KIF26B: variants seen among roughly 807,000 people sequenced by gnomAD.
The protein encoded by KIF26B is kinesin-like protein KIF26B.
In KIF26B, 63 loss-of-function variants were observed where a neutral mutation model predicts 151.2. The ratio of observed to expected loss-of-function variants is 0.42; its 90% CI spans 0.34 to 0.51. The LOEUF (loss-of-function observed/expected upper bound fraction) is 0.51, where lower values mean the gene tolerates loss of function less well. Ranked by LOEUF, KIF26B falls within the 20% of genes least tolerant of loss-of-function variation. The probability of loss-of-function intolerance (pLI) is 0.07; values close to 1 mark genes in which losing one functional copy is unlikely to be tolerated. For missense variants in KIF26B, 2,813 were observed against 2,913.6 expected (o/e 0.97, Z 0.79); for synonymous variants, 1,357 against 1,262.1 (o/e 1.08, Z -1.59).
chr1:245,290,023 C>T (rs1025021380), intron 2 of KIF26B, among the ~76,000 whole-genome samples: 4 of 152,158 alleles, frequency 2.6e-5, no homozygotes, highest in East Asian at 1.9e-4. Context: ...TCCTTATTCC[C>T]GTCTTAGCAC....
chr1:245,665,813 T>C (rs2044206553), intron 10 of KIF26B, among the ~76,000 whole-genome samples: 1 of 152,046 alleles, frequency 6.6e-6, no homozygotes, highest in Non-Finnish European at 1.5e-5. Flanking sequence ...GCCTCCCAAG[T>C]AGCTGGGACT....
At chr1:245,603,479 G>A (rs190486649) in intron 6 of KIF26B, among the ~76,000 whole-genome samples, 7 of 152,346 alleles carry the variant, frequency 4.6e-5, no homozygotes, top group Admixed American at 2.0e-4. Flanking sequence ...GTGATCAGCT[G>A]TGGGTTGGGC....
intron 3 of KIF26B, among the ~76,000 whole-genome samples, chr1:245,370,116 C>T (rs567454258): frequency 1.3e-4 from 20 of 152,120 alleles, no homozygotes; most frequent in African/African-American, 3.9e-4. Context: ...CGATGTCACC[C>T]GGATATAAAC....
At position 245,258,233 on chromosome 1, in the gene KIF26B, G is replaced by A. The variant is rs933185333; in HGVS notation, c.465+101550G>A. Among the ~76,000 whole-genome samples the A allele has an allele frequency of 1.2e-4, 18 of 152,138 alleles. 1 individual carries two copies. The highest frequency in any genetic ancestry group is 3.4e-4 in the African/African-American group (14 of 41,434). ...AGTTCGCTGTACATGAAGCCCCAGC[G>A]TCCAGAGGTGTAAGACAGAGCCCCT... On this transcript the variant is annotated intron_variant, in intron 2 of 14. Transcript: ENST00000407071.
rs573632650 is a variant in KIF26B at position 245,591,862 on chromosome 1, C to T, written c.1351-10715C>T. Among the ~76,000 whole-genome samples the T allele has an allele frequency of 6.0e-4, 91 of 152,322 alleles. 1 individual carries two copies. The highest frequency in any genetic ancestry group is 2.0e-3 in the African/African-American group (85 of 41,586). ...TTGCAGCCTGGCCAGCCCTGTCCCA[C>T]GCCTGCTAATTGGTGGGGGGACCTG... On this transcript the variant is annotated intron_variant, in intron 5 of 14. Transcript: ENST00000407071.
intron 6 of KIF26B, among the ~76,000 whole-genome samples, chr1:245,605,170 G>A (rs2043437212): frequency 6.6e-6 from 1 of 151,472 alleles, no homozygotes; most frequent in Non-Finnish European, 1.5e-5. Context: ...TCCTCATCAG[G>A]CCGTGTGATT....
chr1:245,369,412 T>C (rs1427143150), intron 3 of KIF26B, among the ~76,000 whole-genome samples: 1 of 152,192 alleles, frequency 6.6e-6, no homozygotes. Flanking sequence ...CGTTTGAGAG[T>C]GTTCATGTCT....
intron 2 of KIF26B, among the ~76,000 whole-genome samples, chr1:245,311,465 T>C (rs1573768119): frequency 6.6e-6 from 1 of 152,132 alleles, no homozygotes; most frequent in East Asian, 1.9e-4. Context: ...CAGCCGGGTA[T>C]GGTGGTTTGC....
intron 4 of KIF26B, among the ~76,000 whole-genome samples, chr1:245,420,535 C>T (rs1658459191): frequency 6.6e-6 from 1 of 152,190 alleles, no homozygotes; most frequent in African/African-American, 2.4e-5. Context: ...ATTTAATGCT[C>T]AGAACTGAAC....
intron 9 of KIF26B, among the ~76,000 whole-genome samples, chr1:245,642,882 A>AAG (rs2043908478): frequency 6.6e-6 from 1 of 152,202 alleles, no homozygotes; most frequent in Admixed American, 6.5e-5. Flanking sequence ...TGGAGAGCCC[A>AAG]GTCTTGTATC....
At chr1:245,415,976 A>G (rs576355456) in intron 3 of KIF26B, among the ~76,000 whole-genome samples, 7 of 151,952 alleles carry the variant, frequency 4.6e-5, no homozygotes, top group Non-Finnish European at 1.0e-4. Flanking sequence ...TTAAGAATTA[A>G]ACAAAATAGG....
chr1:245,351,250 G>A (rs10924180), intron 2 of KIF26B, among the ~76,000 whole-genome samples: 5,685 of 152,278 alleles, frequency 0.037, 343 homozygotes, highest in African/African-American at 0.13. Flanking sequence ...GCTTACCTGG[G>A]TGGGCCCTTT....
In KIF26B at chr1:245,559,955, G is replaced by A. The variant is rs527303819; in HGVS notation, c.1350+19005G>A. Among the ~76,000 whole-genome samples, 7 of 151,444 alleles carry A rather than the reference G, an allele frequency of 4.6e-5. No individual in the cohort carries two copies. In the South Asian group the frequency reaches 1.5e-3, roughly 32 times the overall value. On this transcript the variant is annotated intron_variant, in intron 5 of 14. Transcript: ENST00000407071. ...TTTCAGTGGTGCATCACATGTTACC[G>A]ACGTGCCTCCCGTGCCTCCCTGTCT...
Position 245,612,091 on chromosome 1 carries a change from T to TGA in KIF26B, c.2098+116_2098+117insAG, listed in dbSNP as rs2043531200. On this transcript the variant is annotated intron_variant, in intron 9 of 14. Transcript: ENST00000407071. The stretch of plus-strand genomic sequence containing the variant: ...GTGTGTGTGTGTGTGTGTGTGTGTG[T>TGA]GTGTGTGTGTGTGTGAGAGAGAGAG... The TGA allele has an allele frequency of 5.4e-6, 4 of 745,656 alleles. No homozygotes were observed. The South Asian group carries it at 7.7e-5, about 14-fold the overall frequency. The allele number at this position is 745,656 out of a possible 1,614,324, so 46.2% of individuals were successfully genotyped here.
chr1:245,265,796 T>A (rs896227519), intron 2 of KIF26B, among the ~76,000 whole-genome samples: 1 of 151,934 alleles, frequency 6.6e-6, no homozygotes, highest in African/African-American at 2.4e-5. Flanking sequence ...TATACAGAGA[T>A]GGGGTTTTGC....
At chr1:245,622,874 C>G (rs1771514) in intron 9 of KIF26B, among the ~76,000 whole-genome samples, 1 of 152,040 alleles carries the variant, frequency 6.6e-6, no homozygotes, top group Non-Finnish European at 1.5e-5. Context: ...ACACGCCTCT[C>G]TGGAAGAGTG....
intron 2 of KIF26B, among the ~76,000 whole-genome samples, chr1:245,250,727 G>T (rs1670427829): frequency 6.6e-6 from 1 of 152,106 alleles, no homozygotes; most frequent in Non-Finnish European, 1.5e-5. Context: ...TCTCTTTTAA[G>T]AATTGCCTAT....
intron 4 of KIF26B, among the ~76,000 whole-genome samples, chr1:245,524,261 A>G (rs965382374): frequency 2.6e-5 from 4 of 152,214 alleles, no homozygotes; most frequent in African/African-American, 9.6e-5. Flanking sequence ...CCACTTTCCC[A>G]TACCTTACGC....
At chr1:245,163,302 C>T (rs1668562697) in intron 2 of KIF26B, among the ~76,000 whole-genome samples, 1 of 152,122 alleles carries the variant, frequency 6.6e-6, no homozygotes, top group Admixed American at 6.5e-5. Context: ...CCACCATGCC[C>T]AGCTAATTTT....
Sources: gnomAD v4.1 joint callset for allele counts (sites outside exome capture counted in the v4.1 genomes callset) on GRCh38, gnomAD v4.1.1 for gene constraint, MANE v1.5 for transcripts, NCBI Gene and HGNC (gene_info 2026-07-23, HGNC 2026-07-21) for gene names.